Variants in DYM observed in about 807,000 individuals in gnomAD.
DYM encodes the protein dymeclin.
DYM carries 78 observed loss-of-function variants against 93.1 expected under a neutral mutation model. The ratio of observed to expected loss-of-function variants is 0.84; its 90% CI spans 0.70 to 1.01. The LOEUF is 1.01. DYM is among the 50% of genes least tolerant of loss of function. DYM has a pLI of 0.00. For missense variants in DYM, 789 were observed against 845.0 expected (o/e 0.93, Z 0.82); for synonymous variants, 321 against 319.7 (o/e 1.00, Z -0.04).
At chr18:49,174,271 T>C (rs1367637760) in intron 14 of DYM, among the ~76,000 whole-genome samples, 1 of 152,168 alleles carries the variant, frequency 6.6e-6, no homozygotes, top group East Asian at 1.9e-4. Flanking sequence ...TTACTGAGAA[T>C]GTGCTCTATG....
At chr18:49,072,888 T>C (rs982086074) in intron 17 of DYM, among the ~76,000 whole-genome samples, 2 of 152,326 alleles carry the variant, frequency 1.3e-5, no homozygotes, top group South Asian at 4.1e-4. Context: ...GCCCCTTCCA[T>C]TAGACTAGGC....
At chr18:49,090,079 G>A (rs992526424) in intron 17 of DYM, among the ~76,000 whole-genome samples, 1 of 152,168 alleles carries the variant, frequency 6.6e-6, no homozygotes, top group Non-Finnish European at 1.5e-5. Flanking sequence ...GGACTAAATG[G>A]TTCTAAGAAT....
intron 6 of DYM, among the ~76,000 whole-genome samples, chr18:49,361,556 C>A (rs181073193): frequency 6.6e-6 from 1 of 152,168 alleles, no homozygotes; most frequent in Admixed American, 6.5e-5. Context: ...AAGTAAAAAT[C>A]TTCATAGATA....
intron 1 of DYM, among the ~76,000 whole-genome samples, chr18:49,445,071 AATCATTATTAGT>A (rs1269353584): frequency 2.6e-5 from 4 of 152,232 alleles, no homozygotes; most frequent in Non-Finnish European, 5.9e-5. Context: ...AATTGTTCTC[AATCATTATTAGT>A]ATCGCATTTT....
chr18:49,128,709 C>T (rs2083079100), intron 15 of DYM, among the ~76,000 whole-genome samples: 1 of 151,946 alleles, frequency 6.6e-6, no homozygotes, highest in South Asian at 2.1e-4. Flanking sequence ...ATTAATATAA[C>T]CAAAAAATGT....
At chr18:49,442,328 T>C (rs1281668030) in intron 1 of DYM, among the ~76,000 whole-genome samples, 3 of 152,140 alleles carry the variant, frequency 2.0e-5, no homozygotes, top group African/African-American at 4.8e-5. Flanking sequence ...AAGAATCACT[T>C]GAGCCCAGGA....
At chr18:49,328,448 AAG>A (rs2063064914) in intron 8 of DYM, among the ~76,000 whole-genome samples, 1 of 152,136 alleles carries the variant, frequency 6.6e-6, no homozygotes, top group African/African-American at 2.4e-5. Context: ...GGCATGAAAA[AAG>A]AGAGCATCTG....
rs571534314 is a variant in DYM, at chr18:49,336,713, C to A, written c.495-2860G>T. Among the ~76,000 whole-genome samples, 23 of 152,084 alleles carry A rather than the reference C, an allele frequency of 1.5e-4. 1 individual carries two copies. Among genetic ancestry groups the A allele is most frequent in the Admixed American group, 1.4e-3 (21 of 15,268 alleles). On this transcript the variant is annotated intron_variant, in intron 6 of 17. Transcript: ENST00000675505. ...TACATATTGGGGACATATCCATCAACAAATAGACAAGGCTCCTGCCTTTAT... is the reference window on the plus strand; with the variant it reads ...TACATATTGGGGACATATCCATCAAAAAATAGACAAGGCTCCTGCCTTTAT...
At chr18:49,086,099 G>C (rs1859248592) in intron 17 of DYM, among the ~76,000 whole-genome samples, 1 of 152,138 alleles carries the variant, frequency 6.6e-6, no homozygotes, top group African/African-American at 2.4e-5. Context: ...TGTGAACTTG[G>C]GTCCTGCAGT....
chr18:49,355,466 T>G (rs1001632796), intron 6 of DYM, among the ~76,000 whole-genome samples: 1 of 152,042 alleles, frequency 6.6e-6, no homozygotes. Context: ...ACAGATACAA[T>G]AGATATATTG....
intron 13 of DYM, among the ~76,000 whole-genome samples, chr18:49,253,889 T>A (rs2145048137): frequency 6.6e-6 from 1 of 152,320 alleles, no homozygotes; most frequent in African/African-American, 2.4e-5. Context: ...TCGATTATTC[T>A]AAACTGTGAG....
intron 8 of DYM, among the ~76,000 whole-genome samples, chr18:49,330,207 G>T (rs1458540728): frequency 2.6e-5 from 4 of 152,066 alleles, no homozygotes; most frequent in Admixed American, 2.6e-4. Flanking sequence ...TAGGAAGAAA[G>T]CTGTGTAAAA....
At chr18:49,061,786 G>C (rs2144657553) in intron 17 of DYM, among the ~76,000 whole-genome samples, 1 of 152,362 alleles carries the variant, frequency 6.6e-6, no homozygotes, top group Admixed American at 6.5e-5. Context: ...GGAAATCAGG[G>C]CTGGGAAGGA....
chr18:49,299,606 G>C (rs1047561571), intron 8 of DYM, among the ~76,000 whole-genome samples: 8 of 152,112 alleles, frequency 5.3e-5, no homozygotes, highest in Non-Finnish European at 4.4e-5. Flanking sequence ...TTCCCTGAGA[G>C]AGGGCCTTCC....
At chr18:49,228,134 C>G (rs77241161) in intron 13 of DYM, among the ~76,000 whole-genome samples, 1,621 of 152,108 alleles carry the variant, frequency 0.011, 47 homozygotes, top group South Asian at 0.075. Flanking sequence ...TTCTCTATAC[C>G]CACTATAGTG....
intron 17 of DYM, among the ~76,000 whole-genome samples, chr18:49,076,878 T>A (rs976265646): frequency 1.3e-5 from 2 of 152,188 alleles, no homozygotes; most frequent in African/African-American, 4.8e-5. Flanking sequence ...TAAGTCTTCC[T>A]CAGAAGCTTA....
intron 2 of DYM, among the ~76,000 whole-genome samples, chr18:49,399,554 T>C (rs2070522411): frequency 6.6e-6 from 1 of 152,104 alleles, no homozygotes; most frequent in South Asian, 2.1e-4. Context: ...ATTAGTGAGG[T>C]TGGTTTGGAC....
chr18:49,413,959 A>C (rs111512140), intron 2 of DYM, among the ~76,000 whole-genome samples: 1 of 152,076 alleles, frequency 6.6e-6, no homozygotes, highest in East Asian at 1.9e-4. Flanking sequence ...ACATTGAGCC[A>C]AAATCACGCC....
intron 2 of DYM, among the ~76,000 whole-genome samples, chr18:49,413,443 C>A (rs2072526117): frequency 6.6e-6 from 1 of 151,380 alleles, no homozygotes; most frequent in Admixed American, 6.6e-5. Flanking sequence ...ATCCTTTTAG[C>A]AGAATTATAT....
Sources: gnomAD v4.1 joint callset for allele counts (sites outside exome capture counted in the v4.1 genomes callset) on GRCh38, gnomAD v4.1.1 for gene constraint, MANE v1.5 for transcripts, NCBI Gene and HGNC (gene_info 2026-07-23, HGNC 2026-07-21) for gene names.